The following MGAT4C variants were observed in gnomAD, a reference collection of about 807,000 sequenced individuals.
The protein encoded by MGAT4C is MGAT4 family member C, also known as alpha-1,3-mannosyl-glycoprotein 4-beta-N-acetylglucosaminyltransferase C.
A neutral mutation model predicts 40.1 loss-of-function variants in MGAT4C; 19 were observed. The ratio of observed to expected loss-of-function variants is 0.47; its 90% confidence interval spans 0.33 to 0.70. The LOEUF (loss-of-function observed/expected upper bound fraction) is 0.70. Ranked by LOEUF, MGAT4C falls within the 30% of genes least tolerant of loss-of-function variation. The pLI, the probability that MGAT4C is intolerant of heterozygous loss-of-function variation, is 0.02. For synonymous variants in MGAT4C, 181 were observed against 187.1 expected (o/e 0.97, Z 0.27); for missense variants, 491 against 563.2 (o/e 0.87, Z 1.30).
At chr12:86,165,814 T>C (rs764735579) in intron 1 of MGAT4C, among the ~76,000 whole-genome samples, 29 of 152,168 alleles carry the variant, frequency 1.9e-4, no homozygotes, top group East Asian at 1.9e-4. Flanking sequence ...TCATATTTAT[T>C]ATTTAATTAA....
At chr12:86,159,601 A>T (rs959345197) in intron 1 of MGAT4C, among the ~76,000 whole-genome samples, 3 of 151,840 alleles carry the variant, frequency 2.0e-5, no homozygotes, top group Admixed American at 6.6e-5. Flanking sequence ...TAGAATTGGT[A>T]TATTTTTTTT....
chr12:86,773,945 CTTTTTTT>C (rs140530916), intron 1 of MGAT4C, among the ~76,000 whole-genome samples: 1 of 58,438 alleles, frequency 1.7e-5, no homozygotes, highest in African/African-American at 6.9e-5. Flanking sequence ...AAAGTAACTT[CTTTTTTT>C]TTTTTTTTTT....
At position 85,975,298 on chromosome 12, in the gene MGAT4C, G is replaced by A. The variant is rs1406834834; in HGVS notation, c.*3991C>T. 4 of 150,924 alleles carry A rather than the reference G, an allele frequency of 2.7e-5. No individual in the cohort carries two copies. Among genetic ancestry groups the A allele is most frequent in the Non-Finnish European group, 6.0e-5 (4 of 67,150 alleles). 9.3% of individuals were successfully genotyped at this position (150,924 alleles called of 1,614,324 possible). On this transcript the variant is annotated 3_prime_UTR_variant, in exon 5 of 5. Transcript: ENST00000611864. ...GTTATTGATTACAATGAAGGCCTCT[G>A]GTAATGTTTTCCAGGGTCATATCCT...
chr12:86,258,220 T>C (rs1952578819), upstream of MGAT4C, among the ~76,000 whole-genome samples: 1 of 152,048 alleles, frequency 6.6e-6, no homozygotes, highest in Admixed American at 6.6e-5. Context: ...TTTTTGTTTG[T>C]TTGTTTTGGA....
intron 2 of MGAT4C, among the ~76,000 whole-genome samples, chr12:86,639,182 A>G (rs34457142): frequency 0.056 from 8,454 of 151,778 alleles, 307 homozygotes; most frequent in Non-Finnish European, 0.079. Flanking sequence ...CTTGGGCACA[A>G]TGATATTTTT....
intron 1 of MGAT4C, among the ~76,000 whole-genome samples, chr12:86,766,721 A>T (rs1409893351): frequency 6.6e-6 from 1 of 152,130 alleles, no homozygotes; most frequent in African/African-American, 2.4e-5. Context: ...AACTCACTCA[A>T]AACCGCTCAA....
chr12:86,430,062 A>T (rs1957003037), intron 3 of MGAT4C, among the ~76,000 whole-genome samples: 1 of 152,096 alleles, frequency 6.6e-6, no homozygotes, highest in South Asian at 2.1e-4. Context: ...GGAATTTTTC[A>T]TTACAGTCAT....
intron 1 of MGAT4C, among the ~76,000 whole-genome samples, chr12:86,815,401 T>C (rs1466713214): frequency 6.6e-6 from 1 of 151,932 alleles, no homozygotes; most frequent in Non-Finnish European, 1.5e-5. Context: ...CTGGTGGGAA[T>C]GTAAACTAAT....
intron 2 of MGAT4C, among the ~76,000 whole-genome samples, chr12:86,529,584 C>A (rs1283800005): frequency 6.6e-6 from 1 of 151,982 alleles, no homozygotes; most frequent in Non-Finnish European, 1.5e-5. Flanking sequence ...TAAATGATAT[C>A]TCTGTTATAA....
At chr12:86,671,248 A>T (rs2136563913) in intron 2 of MGAT4C, among the ~76,000 whole-genome samples, 1 of 152,328 alleles carries the variant, frequency 6.6e-6, no homozygotes, top group Admixed American at 6.5e-5. Context: ...CTCTATTTTC[A>T]CATTTAAAAT....
At chr12:86,566,497 G>A (rs1266356502) in intron 2 of MGAT4C, among the ~76,000 whole-genome samples, 1 of 134,118 alleles carries the variant, frequency 7.5e-6, no homozygotes, top group Non-Finnish European at 1.6e-5. Context: ...GGGACTTTGT[G>A]ATCATGTGAG....
intron 2 of MGAT4C, among the ~76,000 whole-genome samples, chr12:86,686,824 T>C (rs1297683531): frequency 1.3e-5 from 2 of 152,232 alleles, no homozygotes; most frequent in African/African-American, 4.8e-5. Flanking sequence ...TGCCAGGTTT[T>C]GGCATCATGA....
chr12:86,115,631 A>G (rs1592980790), intron 1 of MGAT4C, among the ~76,000 whole-genome samples: 3 of 152,086 alleles, frequency 2.0e-5, no homozygotes, highest in South Asian at 4.1e-4. Context: ...TGACAAAGTC[A>G]TCTTAGAATA....
At chr12:86,268,116 T>A (rs1206363083) in intron 4 of MGAT4C, among the ~76,000 whole-genome samples, 1 of 152,162 alleles carries the variant, frequency 6.6e-6, no homozygotes, top group African/African-American at 2.4e-5. Flanking sequence ...TTTTAAGCCA[T>A]AAGGAGAATG....
chr12:86,277,512 C>A (rs568358264), intron 4 of MGAT4C, among the ~76,000 whole-genome samples: 1 of 152,034 alleles, frequency 6.6e-6, no homozygotes, highest in African/African-American at 2.4e-5. Flanking sequence ...TCCTTTTTAG[C>A]CTTTTCATAG....
intron 1 of MGAT4C, among the ~76,000 whole-genome samples, chr12:86,136,489 T>G (rs917434283): frequency 2.0e-5 from 3 of 152,212 alleles, no homozygotes; most frequent in Admixed American, 1.3e-4. Flanking sequence ...GTCCTTTGAA[T>G]AGGAATGACA....
chr12:86,463,138 T>G (rs2136297205), intron 2 of MGAT4C, among the ~76,000 whole-genome samples: 1 of 152,290 alleles, frequency 6.6e-6, no homozygotes, highest in Middle Eastern at 3.4e-3. Context: ...CCTGTCCTTT[T>G]GTGTAGGGAT....
chr12:86,221,507 C>T (rs370619140), intron 1 of MGAT4C, among the ~76,000 whole-genome samples: 6 of 152,094 alleles, frequency 3.9e-5, no homozygotes, highest in African/African-American at 1.4e-4. Context: ...GAGAGGCTGA[C>T]CAAAAGAAGG....
At position 85,978,813 on chromosome 12, in the gene MGAT4C, G is replaced by T. The variant is rs1398230163; in HGVS notation, c.*476C>A. The T allele has an allele frequency of 6.6e-6, 1 of 151,958 alleles. No individual in the cohort carries two copies. Among genetic ancestry groups the T allele is most frequent in the Non-Finnish European group, 1.5e-5 (1 of 68,010 alleles). 9.4% of individuals were successfully genotyped at this position (151,958 alleles called of 1,614,324 possible). ...AGGTATTCATTGTAGATGTACAGAA[G>T]TCAACGGAAACTTAAGTTTACAGAA... On this transcript the variant is annotated 3_prime_UTR_variant, in exon 5 of 5. Coordinates refer to ENST00000611864, the MANE Select transcript of MGAT4C (RefSeq NM_001351288.2).
Sources: allele counts gnomAD v4.1 joint callset (sites outside exome capture counted in the v4.1 genomes callset), GRCh38; gene constraint gnomAD v4.1.1; transcripts MANE v1.5; gene names NCBI Gene and HGNC (gene_info 2026-07-23, HGNC 2026-07-21).